The following P2RY1 variants were observed in gnomAD, a reference collection of about 807,000 sequenced individuals.
P2RY1 encodes purinergic receptor P2Y1.
Under a neutral mutation model 22.8 loss-of-function variants are expected in P2RY1, and 14 were observed. The ratio of observed to expected loss-of-function variants is 0.61; its 90% CI spans 0.41 to 0.96. The LOEUF is 0.96. Among genes scored for constraint, P2RY1 ranks in the 40% least tolerant of loss-of-function variants. The pLI is 0.00. For synonymous variants in P2RY1, 200 were observed against 195.1 expected, an observed-to-expected ratio of 1.03 and a Z score of -0.21; for missense variants, 395 against 470.3, an observed-to-expected ratio of 0.84 and a Z score of 1.48.
In P2RY1 at chr3:152,836,544, G is replaced by C. The variant is rs1307110422; in HGVS notation, c.762G>C (p.Leu254=). 1.2e-6 allele frequency: 2 copies of C among 1,614,174 alleles called. No individual in the cohort carries two copies. Among genetic ancestry groups the C allele is most frequent in the Admixed American group, 3.3e-5 (2 of 60,020 alleles). ...ACAAAGATCTGGACAACTCTCCTCT[G>C]AGGAGAAAATCGATTTACCTGGTAA... ...LIYKDLDNSP[L]RRKSIYLVII... The change falls in exon 1 of 1, where the codon CTG becomes CTC. Residue 254 remains leucine (L), a synonymous_variant. Coordinates refer to ENST00000305097, the MANE Select transcript of P2RY1 (RefSeq NM_002563.5). This position sits in a 1 kb window ranked among gnomAD's most constrained non-coding sequence, Gnocchi z 5.6.
rs1447182118 is a variant in P2RY1, at chr3:152,841,429, A to C, written c.*4525A>C. 6.6e-6 allele frequency: 1 copy of C among 152,148 alleles called. No homozygotes were observed. Among genetic ancestry groups the C allele is most frequent in the Non-Finnish European group, 1.5e-5 (1 of 68,012 alleles). 9.4% of individuals were successfully genotyped at this position (152,148 alleles called of 1,614,324 possible). A position where few individuals can be genotyped will look rare whatever the true frequency, so the allele number is the denominator to read the frequency against. On this transcript the variant is annotated 3_prime_UTR_variant, in exon 1 of 1. Coordinates refer to ENST00000305097, the MANE Select transcript of P2RY1 (RefSeq NM_002563.5). ...AAACTGAAAAAGACTCAATAAAACTATGAAACATGGTTTGATGGCTTCTAT... is the reference window on the plus strand; with the variant it reads ...AAACTGAAAAAGACTCAATAAAACTCTGAAACATGGTTTGATGGCTTCTAT...
chr3:152,837,727 T>C lies in P2RY1; in HGVS notation c.*823T>C, dbSNP rs1716206027. On this transcript the variant is annotated 3_prime_UTR_variant, in exon 1 of 1. Coordinates refer to ENST00000305097, the MANE Select transcript of P2RY1 (RefSeq NM_002563.5). ...CTTGCCCCACTGCTGTGCAATGCCT[T>C]AGGACTTTGTTTGTGTTCCAGGACA... 6.0e-6 allele frequency: 1 copy of C among 167,104 alleles called. No individual in the cohort carries two copies. The highest frequency in any genetic ancestry group is 2.4e-5 in the African/African-American group (1 of 41,464). The allele number at this position is 167,104 out of a possible 1,614,324, so 10.4% of individuals were successfully genotyped here. A position where few individuals can be genotyped will look rare whatever the true frequency, so the allele number is the denominator to read the frequency against.
rs141231258 is a variant in P2RY1, at chr3:152,839,685, T to C, written c.*2781T>C. 2 of 152,284 alleles carry C rather than the reference T, an allele frequency of 1.3e-5. No homozygotes were observed. The highest frequency in any genetic ancestry group is 3.4e-3 in the Middle Eastern group (1 of 294). 9.4% of individuals were successfully genotyped at this position (152,284 alleles called of 1,614,324 possible). A position where few individuals can be genotyped will look rare whatever the true frequency, so the allele number is the denominator to read the frequency against. ...AGCCAGCTATGTGACTGTTGACCCT[T>C]TCAAGAACACACATGGATTTAAAAG... is the stretch of plus-strand genomic sequence containing the variant. On this transcript the variant is annotated 3_prime_UTR_variant, in exon 1 of 1. Transcript: ENST00000305097.
chr3:152,836,721 A>C lies in P2RY1; in HGVS notation c.939A>C (p.Ala313=). Residue 313 remains alanine (A), a synonymous_variant, in exon 1 of 1, where the codon GCA becomes GCC. Transcript: ENST00000305097. This position sits in a 1 kb window ranked among gnomAD's most constrained non-coding sequence, Gnocchi z 5.6. ...YATYQVTRGL[A]SLNSCVDPIL... ...CGTATCAGGTGACAAGAGGTCTAGC[A>C]AGTCTCAACAGTTGTGTGGACCCCA... The C allele has an allele frequency of 6.2e-7, 1 of 1,614,184 alleles. No individual in the cohort carries two copies. The highest frequency in any genetic ancestry group is 8.5e-7 in the Non-Finnish European group (1 of 1,180,030).
rs903139313 is a variant in P2RY1, at chr3:152,838,147, A to T, written c.*1243A>T. 3 of 154,522 alleles carry T rather than the reference A, an allele frequency of 1.9e-5. No homozygotes were observed. Among genetic ancestry groups the T allele is most frequent in the East Asian group, 3.8e-4 (2 of 5,204 alleles). 9.6% of individuals were successfully genotyped at this position (154,522 alleles called of 1,614,324 possible). A position where few individuals can be genotyped will look rare whatever the true frequency, so the allele number is the denominator to read the frequency against. On this transcript the variant is annotated 3_prime_UTR_variant, in exon 1 of 1. Transcript: ENST00000305097. ...ACATCTCAATATTTAAAGAAAAAAC[A>T]TATATATGGAGGGAAATATAGAGAA...
At position 152,835,609 on chromosome 3, in the gene P2RY1, C is replaced by T. The variant is rs1716130608; in HGVS notation, c.-174C>T. On this transcript the variant is annotated 5_prime_UTR_variant, in exon 1 of 1. It adds an upstream start codon to the 5' untranslated region. Transcript: ENST00000305097. ...GGCGGATTTCATGGCCCGCGGCGAA[C>T]GCGGGGCCAGAGCTGGCGTGGGCGA... 9.6e-6 allele frequency: 6 copies of T among 621,860 alleles called. No individual in the cohort carries two copies. Among genetic ancestry groups the T allele is most frequent in the Middle Eastern group, 4.4e-4 (1 of 2,252 alleles). The allele number at this position is 621,860 out of a possible 1,614,324, so 38.5% of individuals were successfully genotyped here.
Position 152,835,160 on chromosome 3 carries a change from G to C in P2RY1, c.-623G>C, listed in dbSNP as rs971830407. 6.5e-6 allele frequency: 1 copy of C among 152,684 alleles called. No homozygotes were observed. Among genetic ancestry groups the C allele is most frequent in the Non-Finnish European group, 1.5e-5 (1 of 68,418 alleles). 9.5% of individuals were successfully genotyped at this position (152,684 alleles called of 1,614,324 possible). A position where few individuals can be genotyped will look rare whatever the true frequency, so the allele number is the denominator to read the frequency against. Reference sequence around the variant, plus strand: ...CGGACAGAGCTGGGCCTGGGGAAGGGGTTCCTGAACTACGCGGACGCCGAA... The same window carrying C: ...CGGACAGAGCTGGGCCTGGGGAAGGCGTTCCTGAACTACGCGGACGCCGAA... On this transcript the variant is annotated 5_prime_UTR_variant, in exon 1 of 1. Coordinates refer to ENST00000305097, the MANE Select transcript of P2RY1 (RefSeq NM_002563.5).
rs1313468165 is a variant in P2RY1, at chr3:152,836,018, A to C, written c.236A>C (p.His79Pro). Residue 79 changes from histidine to proline, a missense_variant, in exon 1 of 1, where the codon CAC becomes CCC. His to Pro is a moderately conservative substitution (Grantham distance 77). Coordinates refer to ENST00000305097, the MANE Select transcript of P2RY1 (RefSeq NM_002563.5). The surrounding 1 kb of genome is among the most constrained non-coding windows in gnomAD (Gnocchi z 5.6). ...NSVAIWMFVF[H>P]MKPWSGISVY... ...GTGGCCATCTGGATGTTCGTCTTCC[A>C]CATGAAGCCCTGGAGCGGCATCTCC... The C allele has an allele frequency of 1.2e-6, 2 of 1,614,088 alleles. No individual in the cohort carries two copies. The highest frequency in any genetic ancestry group is 2.7e-5 in the African/African-American group (2 of 74,928).
rs1354333998 is a variant in P2RY1, at chr3:152,840,514, A to G, written c.*3610A>G. 1 of 152,148 alleles carries G rather than the reference A, an allele frequency of 6.6e-6. No homozygotes were observed. Among genetic ancestry groups the G allele is most frequent in the Non-Finnish European group, 1.5e-5 (1 of 68,030 alleles). The allele number at this position is 152,148 out of a possible 1,614,324, so 9.4% of individuals were successfully genotyped here. On this transcript the variant is annotated 3_prime_UTR_variant, in exon 1 of 1. Transcript: ENST00000305097. ...AGAGTATTGTCACTAAATATGATCA[A>G]AGCTTCCCTTTCCAAATGCAAAAGT...
At position 152,836,652 on chromosome 3, in the gene P2RY1, T is replaced by G. The variant is rs566087939; in HGVS notation, c.870T>G (p.Phe290Leu). ...KTMNLRARLD[F>L]QTPAMCAFND... The stretch of plus-strand genomic sequence containing the variant: ...TGAACTTGAGGGCCCGGCTTGATTT[T>G]CAGACCCCAGCAATGTGTGCTTTCA... The change falls in exon 1 of 1, where the codon TTT becomes TTG. Residue 290 changes from phenylalanine (F) to leucine (L), a missense_variant. Coordinates refer to ENST00000305097, the MANE Select transcript of P2RY1 (RefSeq NM_002563.5). The surrounding 1 kb of genome is among the most constrained non-coding windows in gnomAD (Gnocchi z 5.6). 192 of 1,614,204 alleles carry G rather than the reference T, an allele frequency of 1.2e-4. No individual in the cohort carries two copies. In the South Asian group the frequency reaches 2.1e-3, roughly 17 times the overall value.
At position 152,835,790 on chromosome 3, in the gene P2RY1, AG is replaced by A; in HGVS notation, c.10del (p.Val4CysfsTer41). On this transcript the variant is annotated frameshift_variant, in exon 1 of 1. Coordinates refer to ENST00000305097, the MANE Select transcript of P2RY1 (RefSeq NM_002563.5). LOFTEE classifies it high-confidence loss of function. MT[E>X]VLWPAVPNGT... ...TAAGTCGAGGAGGAGAGAATGACCG[AG>A]GTGCTGTGGCCGGCTGTCCCCAACG... The A allele has an allele frequency of 6.2e-7, 1 of 1,600,934 alleles. No individual in the cohort carries two copies. The highest frequency in any genetic ancestry group is 8.5e-7 in the Non-Finnish European group (1 of 1,175,392).
rs1251840447 is a variant in P2RY1, at chr3:152,835,507, T to C, written c.-276T>C. On this transcript the variant is annotated 5_prime_UTR_variant, in exon 1 of 1. Transcript: ENST00000305097. ...ATCCGCGGCGGTTCCCTGCGCGCCC[T>C]GTTGTGTAAGCTCGGCGTTGCCAGC... 4 of 463,088 alleles carry C rather than the reference T, an allele frequency of 8.6e-6. No individual in the cohort carries two copies. The highest frequency in any genetic ancestry group is 3.5e-5 in the South Asian group (1 of 28,960). The allele number at this position is 463,088 out of a possible 1,614,324, so 28.7% of individuals were successfully genotyped here.
rs1338042566 is a variant in P2RY1, at chr3:152,836,658, C to T, written c.876C>T (p.Thr292=). 1 of 1,614,082 alleles carries T rather than the reference C, an allele frequency of 6.2e-7. No individual in the cohort carries two copies. The highest frequency in any genetic ancestry group is 1.1e-5 in the South Asian group (1 of 91,068). Residue 292 remains threonine, a synonymous_variant, in exon 1 of 1, where the codon ACC becomes ACT. Coordinates refer to ENST00000305097, the MANE Select transcript of P2RY1 (RefSeq NM_002563.5). This position sits in a 1 kb window ranked among gnomAD's most constrained non-coding sequence, Gnocchi z 5.6. Reference sequence around the variant, plus strand: ...TGAGGGCCCGGCTTGATTTTCAGACCCCAGCAATGTGTGCTTTCAATGACA... The same window carrying T: ...TGAGGGCCCGGCTTGATTTTCAGACTCCAGCAATGTGTGCTTTCAATGACA... The part of the protein sequence containing the change: ...MNLRARLDFQ[T]PAMCAFNDRV...
In P2RY1 at chr3:152,836,400, C is replaced by G; in HGVS notation, c.618C>G (p.Thr206=). Residue 206 remains threonine (T), a synonymous_variant, in exon 1 of 1, where the codon ACC becomes ACG. Transcript: ENST00000305097. This position sits in a 1 kb window ranked among gnomAD's most constrained non-coding sequence, Gnocchi z 5.6. ...KNKTITCYDT[T]SDEYLRSYFI... ...AAACCATCACCTGTTACGACACCAC[C>G]TCAGACGAGTACCTGCGAAGTTATT... The G allele has an allele frequency of 6.2e-7, 1 of 1,614,154 alleles. No individual in the cohort carries two copies. The highest frequency in any genetic ancestry group is 1.3e-5 in the African/African-American group (1 of 75,016).
rs1170800473 is a variant in P2RY1, at chr3:152,835,567, G to C, written c.-216G>C. 2 of 557,518 alleles carry C rather than the reference G, an allele frequency of 3.6e-6. No individual in the cohort carries two copies. The highest frequency in any genetic ancestry group is 4.7e-4 in the Middle Eastern group (1 of 2,138). 34.5% of individuals were successfully genotyped at this position (557,518 alleles called of 1,614,324 possible). A position where few individuals can be genotyped will look rare whatever the true frequency, so the allele number is the denominator to read the frequency against. ...AGTTGCTGGCTTGCCCGATAGCCCA[G>C]TTCGGTGGCGGCCCGGGGCGGATTT... On this transcript the variant is annotated 5_prime_UTR_variant, in exon 1 of 1. Transcript: ENST00000305097.
rs756150170 is a variant in P2RY1, at chr3:152,836,373, C to CT, written c.591_592insT (p.Lys198Ter). ...ACTCAGGTACCGGGGTCCGCAAAAA[C>CT]AAAACCATCACCTGTTACGACACCA... is the stretch of plus-strand genomic sequence containing the variant. On this transcript the variant is annotated frameshift_variant, in exon 1 of 1. Transcript: ENST00000305097. LOFTEE classifies it high-confidence loss of function. The surrounding 1 kb of genome is among the most constrained non-coding windows in gnomAD (Gnocchi z 5.6). 1 of 1,614,124 alleles carries CT rather than the reference C, an allele frequency of 6.2e-7. No individual in the cohort carries two copies. The highest frequency in any genetic ancestry group is 8.5e-7 in the Non-Finnish European group (1 of 1,180,020).
Position 152,841,087 on chromosome 3 carries a change from T to G in P2RY1, c.*4183T>G, listed in dbSNP as rs1254337021. On this transcript the variant is annotated 3_prime_UTR_variant, in exon 1 of 1. Transcript: ENST00000305097. Reference sequence around the variant, plus strand: ...ATTTCTTTTTGAGTGATAGTGCCATTGAATGAGCAGTATGGAAACAGTGTT... The same window carrying G: ...ATTTCTTTTTGAGTGATAGTGCCATGGAATGAGCAGTATGGAAACAGTGTT... 6.6e-6 allele frequency: 1 copy of G among 152,206 alleles called. No homozygotes were observed. The highest frequency in any genetic ancestry group is 1.5e-5 in the Non-Finnish European group (1 of 68,022). The allele number at this position is 152,206 out of a possible 1,614,324, so 9.4% of individuals were successfully genotyped here.
Position 152,837,258 on chromosome 3 carries a change from C to T in P2RY1, c.*354C>T, listed in dbSNP as rs572886552. The T allele has an allele frequency of 1.0e-5, 2 of 198,762 alleles. No individual in the cohort carries two copies. Among genetic ancestry groups the T allele is most frequent in the Non-Finnish European group, 1.1e-5 (1 of 89,190 alleles). The allele number at this position is 198,762 out of a possible 1,614,324, so 12.3% of individuals were successfully genotyped here. A position where few individuals can be genotyped will look rare whatever the true frequency, so the allele number is the denominator to read the frequency against. On this transcript the variant is annotated 3_prime_UTR_variant, in exon 1 of 1. Transcript: ENST00000305097. ...TTAGTAATTTCTCTAAGAAAACTAG[C>T]CCCCTGCAACTTGAGTTTGTGGTTT...
rs1223946987 is a variant in P2RY1, at chr3:152,836,368, A to C, written c.586A>C (p.Lys196Gln). The change falls in exon 1 of 1, where the codon AAA becomes CAA. Residue 196 changes from lysine to glutamine, a missense_variant. Lys to Gln is a moderately conservative substitution (Grantham distance 53, BLOSUM62 1). This residue lies in a region of P2RY1 where 291 missense variants were observed against 361.6 expected (regional missense o/e 0.80). Coordinates refer to ENST00000305097, the MANE Select transcript of P2RY1 (RefSeq NM_002563.5). The surrounding 1 kb of genome is among the most constrained non-coding windows in gnomAD (Gnocchi z 5.6). Reference protein sequence around the residue: ...ILFYSGTGVRKNKTITCYDTT... With the variant: ...ILFYSGTGVRQNKTITCYDTT... ...CTTCTACTCAGGTACCGGGGTCCGCAAAAACAAAACCATCACCTGTTACGA... is the reference window on the plus strand; with the variant it reads ...CTTCTACTCAGGTACCGGGGTCCGCCAAAACAAAACCATCACCTGTTACGA... 2 of 1,614,100 alleles carry C rather than the reference A, an allele frequency of 1.2e-6. No individual in the cohort carries two copies. Among genetic ancestry groups the C allele is most frequent in the East Asian group, 2.2e-5 (1 of 44,854 alleles).
Sources: allele counts gnomAD v4.1 joint callset, GRCh38; gene constraint gnomAD v4.1.1; regional missense constraint gnomAD v4.1.1; non-coding constraint Gnocchi (gnomAD v3.1); transcripts MANE v1.5; gene names NCBI Gene and HGNC (gene_info 2026-07-23, HGNC 2026-07-21).